The following COL4A1 variants were observed in gnomAD, a reference collection of about 807,000 sequenced individuals.
The protein encoded by COL4A1 is collagen alpha-1(IV) chain.
A neutral mutation model predicts 216.6 loss-of-function variants in COL4A1; 40 were observed. The observed-to-expected ratio is 0.18, with a 90% CI of 0.14 to 0.24. COL4A1 has a LOEUF of 0.24. COL4A1 is among the 10% of genes least tolerant of loss of function. The pLI is 1.00. For missense variants in COL4A1, 1,628 were observed against 2,196.8 expected, an observed-to-expected ratio of 0.74 and a Z score of 5.18; for synonymous variants, 839 against 810.7, an observed-to-expected ratio of 1.03 and a Z score of -0.59.
chr13:110,169,866 A>G (rs1877526085), intron 42 of COL4A1, 104 bp from the exon 43 acceptor site: 5 of 1,421,768 alleles, frequency 3.5e-6, no homozygotes, highest in Non-Finnish European at 4.7e-6. Context: ...CACTGATACA[A>G]CACTGGACCA....
rs1594129522 is a variant in COL4A1 at position 110,301,883 on chromosome 13, A to C, written c.84+5061T>G. Reference sequence around the variant, plus strand: ...GGGAATGCACAGCCAAGCCAAAAAGAGGGGGAACCCCAGTGAGATAGTAGG... The same window carrying C: ...GGGAATGCACAGCCAAGCCAAAAAGCGGGGGAACCCCAGTGAGATAGTAGG... On this transcript the variant is annotated intron_variant, in intron 1 of 51. Coordinates refer to ENST00000375820, the MANE Select transcript of COL4A1 (RefSeq NM_001845.6). 5.9e-5 allele frequency among the ~76,000 whole-genome samples: 9 copies of C among 152,328 alleles called. 3 individuals carry two copies. Among genetic ancestry groups the C allele is most frequent in the Admixed American group, 5.9e-4 (9 of 15,298 alleles).
At chr13:110,201,390 GAGA>G in intron 19 of COL4A1, 45 bp downstream of exon 19, 2 of 1,319,966 alleles carry the variant, frequency 1.5e-6, no homozygotes, top group Admixed American at 1.9e-5. Flanking sequence ...AGGAGGAGGA[GAGA>G]AGGAGGGGGA....
At chr13:110,281,675 T>C (rs1474157528) in intron 1 of COL4A1, among the ~76,000 whole-genome samples, 2 of 152,222 alleles carry the variant, frequency 1.3e-5, no homozygotes, top group Non-Finnish European at 2.9e-5. Context: ...TCTTACCCAC[T>C]TTACCTCCAC....
At chr13:110,174,811 T>G (rs985084773) in intron 37 of COL4A1, 62 bp from the exon 38 acceptor site, 1 of 1,457,166 alleles carries the variant, frequency 6.9e-7, no homozygotes, top group African/African-American at 1.4e-5. Context: ...TCTGTAGGCA[T>G]GTTATAGATA....
At chr13:110,231,253 A>T (rs1881047486) in intron 2 of COL4A1, among the ~76,000 whole-genome samples, 1 of 152,194 alleles carries the variant, frequency 6.6e-6, no homozygotes, top group African/African-American at 2.4e-5. Flanking sequence ...ACTCATGGAG[A>T]TGTGTCCTTT....
Position 110,210,208 on chromosome 13 carries a change from T to A in COL4A1, c.473A>T (p.Asp158Val). The A allele has an allele frequency of 5.0e-6, 8 of 1,613,556 alleles. No homozygotes were observed. Among genetic ancestry groups the A allele is most frequent in the Non-Finnish European group, 6.8e-6 (8 of 1,180,008 alleles). Reference sequence around the variant, plus strand: ...CACATGGCCAAGTATCTCACCTGGATCACCCTAGAGGATGAAGAAAGAAAA... The same window carrying A: ...CACATGGCCAAGTATCTCACCTGGAACACCCTAGAGGATGAAGAAAGAAAA... ...GPPGLPGMKG[D>V]PGEILGHVPG... is the part of the protein sequence containing the mutation. The change falls in exon 9 of 52, where the codon GAT becomes GTT. Residue 158 changes from aspartate (D) to valine (V), a missense_variant. Physicochemically the swap from Asp to Val is radical, Grantham distance 152. Coordinates refer to ENST00000375820, the MANE Select transcript of COL4A1 (RefSeq NM_001845.6).
chr13:110,203,682 T>C, intron 17 of COL4A1, 75 bp from the exon 18 acceptor site: 1 of 1,513,022 alleles, frequency 6.6e-7, no homozygotes, highest in Non-Finnish European at 9.2e-7. Flanking sequence ...ATTAAACATT[T>C]CTTCTGGTAA....
chr13:110,288,479 T>C (rs987612801), intron 1 of COL4A1, among the ~76,000 whole-genome samples: 3 of 152,132 alleles, frequency 2.0e-5, no homozygotes, highest in African/African-American at 7.2e-5. Context: ...TTAAGGATTA[T>C]CTAACCACAG....
intron 2 of COL4A1, 135 bp from the exon 3 acceptor site, chr13:110,214,150 T>TG: frequency 1.4e-6 from 1 of 740,168 alleles, no homozygotes; most frequent in Non-Finnish European, 2.3e-6. Flanking sequence ...CTGGAGTGCA[T>TG]GCACGATCTC....
chr13:110,198,438 C>G (rs769496427), intron 21 of COL4A1, 29 bp downstream of exon 21: 1 of 1,612,544 alleles, frequency 6.2e-7, no homozygotes, highest in African/African-American at 1.3e-5. Flanking sequence ...GCTTGCACCC[C>G]ACATTAAACC....
intron 1 of COL4A1, among the ~76,000 whole-genome samples, chr13:110,270,687 G>A (rs550377172): frequency 6.6e-6 from 1 of 152,262 alleles, no homozygotes; most frequent in Admixed American, 6.5e-5. Flanking sequence ...CACCACACAC[G>A]TGCCATGGCT....
intron 37 of COL4A1, 87 bp downstream of exon 37, chr13:110,175,131 T>C (rs1877822695): frequency 3.9e-6 from 6 of 1,526,254 alleles, no homozygotes; most frequent in Admixed American, 3.3e-5. Context: ...GCTCATTGAG[T>C]GTGCTGAGAT....
At chr13:110,287,673 CCTGGGCGGCTGT>C (rs1362110852) in intron 1 of COL4A1, among the ~76,000 whole-genome samples, 1 of 152,208 alleles carries the variant, frequency 6.6e-6, no homozygotes, top group African/African-American at 2.4e-5. Context: ...GATGGCCTTG[CCTGGGCGGCTGT>C]CTGGGGCTCA....
chr13:110,159,462 G>A (rs1876963691), intron 49 of COL4A1, among the ~76,000 whole-genome samples: 1 of 152,186 alleles, frequency 6.6e-6, no homozygotes, highest in South Asian at 2.1e-4. Flanking sequence ...AACGCATGCT[G>A]GTGAGGACGT....
intron 1 of COL4A1, among the ~76,000 whole-genome samples, chr13:110,243,857 A>C (rs1881673330): frequency 6.6e-6 from 1 of 152,226 alleles, no homozygotes; most frequent in Admixed American, 6.5e-5. Context: ...GCTAGGACAA[A>C]GTTGAAATTA....
At chr13:110,173,471 C>A (rs1290082121) in intron 40 of COL4A1, among the ~76,000 whole-genome samples, 2 of 151,996 alleles carry the variant, frequency 1.3e-5, no homozygotes, top group East Asian at 3.9e-4. Context: ...CAAGTTAAAG[C>A]CCACCAGTGA....
intron 1 of COL4A1, among the ~76,000 whole-genome samples, chr13:110,283,845 G>A (rs1566442986): frequency 6.6e-6 from 1 of 152,170 alleles, no homozygotes; most frequent in African/African-American, 2.4e-5. Context: ...TCATGACCCT[G>A]AAGACTTTAG....
intron 17 of COL4A1, 76 bp downstream of exon 17, chr13:110,205,277 T>A: frequency 6.4e-7 from 1 of 1,571,678 alleles, no homozygotes. Flanking sequence ...AGTCCTTTAT[T>A]CTAGGAAAGA....
chr13:110,179,527 G>C, intron 29 of COL4A1, 106 bp from the exon 30 acceptor site: 1 of 1,503,728 alleles, frequency 6.7e-7, no homozygotes, highest in Non-Finnish European at 9.2e-7. Context: ...AATGCATTTA[G>C]TAAGAATATT....
Sources: allele counts gnomAD v4.1 joint callset (sites outside exome capture counted in the v4.1 genomes callset), GRCh38; gene constraint gnomAD v4.1.1; transcripts MANE v1.5; gene names NCBI Gene and HGNC (gene_info 2026-07-23, HGNC 2026-07-21).